ANGEL2: variants seen among roughly 807,000 people sequenced by gnomAD.
ANGEL2 encodes angel homolog 2.
In ANGEL2, 41 loss-of-function variants were observed where a neutral mutation model predicts 66.0. The observed-to-expected ratio is 0.62, with a 90% confidence interval of 0.48 to 0.81. The LOEUF is 0.81. ANGEL2 is among the 30% of genes least tolerant of loss of function. The pLI is 0.00. For synonymous variants in ANGEL2, 208 were observed against 226.5 expected (o/e 0.92, Z 0.73); for missense variants, 561 against 641.6 (o/e 0.87, Z 1.36).
chr1:212,996,640 A>AAATATATAT (rs56102625), intron 8 of ANGEL2, among the ~76,000 whole-genome samples: 28 of 66,474 alleles, frequency 4.2e-4, no homozygotes, highest in African/African-American at 1.8e-3. Flanking sequence ...AAAAAAAAAA[A>AAATATATAT]ATATATATAT....
At chr1:212,997,130 A>C in intron 8 of ANGEL2, 25 bp downstream of exon 8, 1 of 1,604,750 alleles carries the variant, frequency 6.2e-7, no homozygotes, top group Non-Finnish European at 8.5e-7. Context: ...CTCTAGGAGA[A>C]TTTAAGATTA....
intron 2 of ANGEL2, among the ~76,000 whole-genome samples, chr1:213,010,005 C>G (rs1195869505): frequency 6.7e-6 from 1 of 148,344 alleles, no homozygotes; most frequent in Admixed American, 6.8e-5. Context: ...GAGCCGAGAT[C>G]GCGCCATTGC....
intron 1 of ANGEL2, among the ~76,000 whole-genome samples, chr1:213,014,371 G>A (rs1293390684): frequency 6.6e-6 from 1 of 152,080 alleles, no homozygotes; most frequent in Non-Finnish European, 1.5e-5. Context: ...AACTTTATAC[G>A]CTGTTATTCT....
chr1:213,008,112 C>T lies in ANGEL2; in HGVS notation c.642+98G>A, dbSNP rs1352555026. 37 of 1,361,540 alleles carry T rather than the reference C, an allele frequency of 2.7e-5. No homozygotes were observed. In the Admixed American group the frequency reaches 8.0e-4, roughly 30 times the overall value. 84.3% of individuals were successfully genotyped at this position (1,361,540 alleles called of 1,614,324 possible). ...CTACCGACCTCAGGTGATCCACCTGCCTCAGCCTCCCAAAGTGCTGGGATT... is the reference window on the plus strand; with the variant it reads ...CTACCGACCTCAGGTGATCCACCTGTCTCAGCCTCCCAAAGTGCTGGGATT... On this transcript the variant is annotated intron_variant, in intron 3 of 8. Transcript: ENST00000366962.
At chr1:213,014,417 T>A (rs7516436) in intron 1 of ANGEL2, among the ~76,000 whole-genome samples, 24,141 of 152,242 alleles carry the variant, frequency 0.16, 5,206 homozygotes, top group African/African-American at 0.49. Context: ...TTATAATTTT[T>A]ACAGTTTAAG....
chr1:213,006,088 T>A (rs1199890772), intron 4 of ANGEL2, among the ~76,000 whole-genome samples: 3 of 152,124 alleles, frequency 2.0e-5, no homozygotes, highest in Non-Finnish European at 4.4e-5. Context: ...AAGGGAGAAA[T>A]TTTTTTAATC....
At position 213,005,299 on chromosome 1, in the gene ANGEL2, A is replaced by C. The variant is rs2148157667; in HGVS notation, c.868T>G (p.Leu290Val). 6.2e-7 allele frequency: 1 copy of C among 1,614,234 alleles called. No individual in the cohort carries two copies. Among genetic ancestry groups the C allele is most frequent in the South Asian group, 1.1e-5 (1 of 91,080 alleles). ...LLDRDNVGLV[L>V]LLQPKIPYAA... ...TATGGAATTTTGGGCTGTAAGAGTA[A>C]AACTAATCCAACATTGTCTCTGTCC... Residue 290 changes from leucine to valine, a missense_variant, in exon 5 of 9, where the codon TTA becomes GTA. By Grantham distance (32) the Leu-to-Val change is conservative. Coordinates refer to ENST00000366962, the MANE Select transcript of ANGEL2 (RefSeq NM_144567.5).
At chr1:213,013,443 G>A in intron 1 of ANGEL2, 25 bp from the exon 2 acceptor site, 5 of 1,569,220 alleles carry the variant, frequency 3.2e-6, no homozygotes, top group Non-Finnish European at 4.3e-6. Flanking sequence ...TACACTCCTT[G>A]AGGCACCACT....
intron 2 of ANGEL2, among the ~76,000 whole-genome samples, chr1:213,008,860 A>G (rs759170300): frequency 5.3e-5 from 8 of 152,266 alleles, no homozygotes; most frequent in Non-Finnish European, 1.0e-4. Flanking sequence ...TGGCTTTTCA[A>G]TAAGATGATT....
intron 7 of ANGEL2, among the ~76,000 whole-genome samples, chr1:212,998,969 C>A (rs1447578968): frequency 6.6e-6 from 1 of 151,914 alleles, no homozygotes; most frequent in East Asian, 1.9e-4. Context: ...AACCTCTGCC[C>A]CCCAGGGTTC....
chr1:212,995,364 T>C (rs1423965823), intron 8 of ANGEL2, among the ~76,000 whole-genome samples, 172 bp from the exon 9 acceptor site: 2 of 152,264 alleles, frequency 1.3e-5, no homozygotes, highest in Non-Finnish European at 1.5e-5. Context: ...AACCTAATTA[T>C]AATTATCAAA....
In ANGEL2 at chr1:212,997,328, AAAG is replaced by A. The variant is rs768685220; in HGVS notation, c.1320-13_1320-11del. 3.4e-5 allele frequency: 55 copies of A among 1,594,314 alleles called. No homozygotes were observed. The highest frequency in any genetic ancestry group is 1.6e-4 in the African/African-American group (12 of 74,742). Reference sequence around the variant, plus strand: ...TAAATTTGAAGACAATCTAAATAGAAAAGAAGAAGTGTTTAGAATCCGAGTTTT... The same window carrying A: ...TAAATTTGAAGACAATCTAAATAGAAAAGAAGTGTTTAGAATCCGAGTTTT... On this transcript the variant is annotated splice_polypyrimidine_tract_variant and intron_variant, in intron 7 of 8. Transcript: ENST00000366962.
intron 7 of ANGEL2, 149 bp downstream of exon 7, chr1:213,000,177 G>T (rs1262849418): frequency 1.5e-6 from 1 of 653,130 alleles, no homozygotes. Flanking sequence ...GTCAGGACTG[G>T]AACTCAGGCC....
chr1:212,996,191 C>T (rs933323835), intron 8 of ANGEL2, among the ~76,000 whole-genome samples: 2 of 152,012 alleles, frequency 1.3e-5, no homozygotes, highest in South Asian at 4.2e-4. Context: ...CCTGTAGTCC[C>T]AGTGGCTCGG....
In ANGEL2 at chr1:213,008,386, G is replaced by C. The variant is rs915459134; in HGVS notation, c.466C>G (p.Pro156Ala). The part of the protein sequence containing the change: ...TKILGDKNVD[P>A]KCEDSENKFD... ...TTGTTCTCACTGTCTTCACATTTGG[G>C]ATCAACATTTTTGTCTCCTAGGATC... is the stretch of plus-strand genomic sequence containing the variant. Residue 156 changes from proline (P) to alanine (A), a missense_variant, in exon 3 of 9, where the codon CCC becomes GCC. Coordinates refer to ENST00000366962, the MANE Select transcript of ANGEL2 (RefSeq NM_144567.5). 2.0e-5 allele frequency: 32 copies of C among 1,613,926 alleles called. No individual in the cohort carries two copies. Among genetic ancestry groups the C allele is most frequent in the African/African-American group, 2.7e-5 (2 of 74,876 alleles).
At chr1:213,004,200 CA>C (rs934613897) in intron 5 of ANGEL2, among the ~76,000 whole-genome samples, 20 of 142,830 alleles carry the variant, frequency 1.4e-4, no homozygotes, top group Admixed American at 2.8e-4. Flanking sequence ...GACTCCATCT[CA>C]AAAAAAAAAA....
chr1:213,000,331 A>G lies in ANGEL2; in HGVS notation c.1314T>C (p.Ala438=), dbSNP rs2076143703. 1 of 1,613,592 alleles carries G rather than the reference A, an allele frequency of 6.2e-7. No homozygotes were observed. The highest frequency in any genetic ancestry group is 1.1e-5 in the South Asian group (1 of 91,050). Residue 438 remains alanine (A), a synonymous_variant, in exon 7 of 9, where the codon GCT becomes GCC. Coordinates refer to ENST00000366962, the MANE Select transcript of ANGEL2 (RefSeq NM_144567.5). ...TTTTGCTTTCCAGAACTCACTTTTC[A>G]GCTGTCACTAGGACCTCTGTTTGCT... is the stretch of plus-strand genomic sequence containing the variant. ...QLKQTEVLVT[A]EKLSSNLQHH... is the part of the protein sequence containing the mutation.
At chr1:212,996,360 C>T (rs2076006421) in intron 8 of ANGEL2, among the ~76,000 whole-genome samples, 1 of 151,346 alleles carries the variant, frequency 6.6e-6, no homozygotes, top group African/African-American at 2.4e-5. Context: ...TGTGGTGGCT[C>T]ATGCCTGTAA....
intron 7 of ANGEL2, among the ~76,000 whole-genome samples, chr1:212,998,522 T>TC (rs2076088349): frequency 7.2e-6 from 1 of 139,598 alleles, no homozygotes; most frequent in African/African-American, 2.8e-5. Flanking sequence ...AAAAGTATCT[T>TC]TTTTTTTTTT....
Sources: gnomAD v4.1 joint callset for allele counts (sites outside exome capture counted in the v4.1 genomes callset) on GRCh38, gnomAD v4.1.1 for gene constraint, MANE v1.5 for transcripts, NCBI Gene and HGNC (gene_info 2026-07-23, HGNC 2026-07-21) for gene names.